The following ATXN10 variants were observed in gnomAD, a reference collection of about 807,000 sequenced individuals.
ATXN10 encodes the protein ataxin 10, also known as ataxin-10.
In ATXN10, 28 loss-of-function variants were observed where a neutral mutation model predicts 52.9. The observed-to-expected ratio is 0.53, with a 90% CI of 0.39 to 0.73. The LOEUF (loss-of-function observed/expected upper bound fraction) is 0.73. Ranked by LOEUF, ATXN10 falls within the 30% of genes least tolerant of loss-of-function variation. ATXN10 has a pLI of 0.00. For synonymous variants in ATXN10, 226 were observed against 221.5 expected, an observed-to-expected ratio of 1.02 and a Z score of -0.18; for missense variants, 565 against 577.0, an observed-to-expected ratio of 0.98 and a Z score of 0.21.
rs892457713 is a variant in ATXN10, at chr22:45,811,204, G to A, written c.1237+4182G>A. 1.2e-4 allele frequency among the ~76,000 whole-genome samples: 19 copies of A among 152,246 alleles called. 1 individual carries two copies. The highest frequency in any genetic ancestry group is 1.2e-3 in the South Asian group (6 of 4,816). The stretch of plus-strand genomic sequence containing the variant: ...TGAGGTAAGGTTTTTAAGTAAAGGT[G>A]TATGATAGGTCCTGAGAAATAGTCC... On this transcript the variant is annotated intron_variant, in intron 10 of 11. Coordinates refer to ENST00000252934, the MANE Select transcript of ATXN10 (RefSeq NM_013236.4).
rs1928888592 is a variant in ATXN10 at position 45,828,467 on chromosome 22, C to A, written c.1238-14524C>A. Among the ~76,000 whole-genome samples the A allele has an allele frequency of 6.6e-6, 1 of 151,912 alleles. No individual in the cohort carries two copies. Among genetic ancestry groups the A allele is most frequent in the Non-Finnish European group, 1.5e-5 (1 of 67,960 alleles). On this transcript the variant is annotated intron_variant, in intron 10 of 11. Transcript: ENST00000252934. The surrounding 1 kb of genome is among the most constrained non-coding windows in gnomAD (Gnocchi z 4.5). ...AAAATAATAGAGAAAATTATGAAAA[C>A]AGAAGTTGCTTTTTTAAAGATCAAC... is the stretch of plus-strand genomic sequence containing the variant.
Position 45,744,724 on chromosome 22 carries a change from A to G in ATXN10, c.1173+4186A>G, listed in dbSNP as rs1925663470. ...GTGCCAGGAGCATTTCTCTCTAAGG[A>G]CAGGCACTGGACTGCCAGGAGCATG... On this transcript the variant is annotated intron_variant, in intron 9 of 11. Coordinates refer to ENST00000252934, the MANE Select transcript of ATXN10 (RefSeq NM_013236.4). This position sits in a 1 kb window ranked among gnomAD's most constrained non-coding sequence, Gnocchi z 4.9. The G allele has an allele frequency of 6.6e-6, 1 of 152,236 alleles. No homozygotes were observed. Among genetic ancestry groups the G allele is most frequent in the African/African-American group, 2.4e-5 (1 of 41,450 alleles). The allele number at this position is 152,236 out of a possible 1,614,324, so 9.4% of individuals were successfully genotyped here.
chr22:45,689,817 G>T lies in ATXN10; in HGVS notation c.222G>T (p.Leu74=). The T allele has an allele frequency of 6.2e-7, 1 of 1,614,190 alleles. No homozygotes were observed. Among genetic ancestry groups the T allele is most frequent in the Non-Finnish European group, 8.5e-7 (1 of 1,180,036 alleles). Residue 74 remains leucine (L), a synonymous_variant, in exon 2 of 12, where the codon CTG becomes CTT. Coordinates refer to ENST00000252934, the MANE Select transcript of ATXN10 (RefSeq NM_013236.4). The stretch of plus-strand genomic sequence containing the variant: ...GAGATCCATCCCAAGTGGAAAACCT[G>T]GCTTCCAGTCTGCAGTTAATAACAG... The part of the protein sequence containing the change: ...ACRDPSQVEN[L]ASSLQLITEC...
chr22:45,829,631 G>A (rs1296125600), intron 10 of ATXN10, among the ~76,000 whole-genome samples: 1 of 152,118 alleles, frequency 6.6e-6, no homozygotes, highest in African/African-American at 2.4e-5. Flanking sequence ...TTTTATAATA[G>A]CATCAAAAAT....
chr22:45,742,986 T>C (rs961058732), intron 9 of ATXN10, among the ~76,000 whole-genome samples: 1 of 152,274 alleles, frequency 6.6e-6, no homozygotes, highest in Non-Finnish European at 1.5e-5. Context: ...TAATTTGGAC[T>C]GGCCTCTTAT....
chr22:45,680,798 ACT>A (rs1922890729), intron 1 of ATXN10, among the ~76,000 whole-genome samples: 1 of 151,284 alleles, frequency 6.6e-6, no homozygotes, highest in Non-Finnish European at 1.5e-5. Flanking sequence ...TCCTCTTCTG[ACT>A]CCCCAGTTCT....
intron 7 of ATXN10, among the ~76,000 whole-genome samples, chr22:45,730,496 C>G (rs1925048220): frequency 6.6e-6 from 1 of 152,160 alleles, no homozygotes; most frequent in Non-Finnish European, 1.5e-5. Context: ...CACAGTGGCA[C>G]AATCTTGACT....
rs938128832 is a variant in ATXN10, at chr22:45,690,505, T to C, written c.308+602T>C. 1.3e-5 allele frequency among the ~76,000 whole-genome samples: 2 copies of C among 152,212 alleles called. No individual in the cohort carries two copies. Among genetic ancestry groups the C allele is most frequent in the Non-Finnish European group, 2.9e-5 (2 of 68,034 alleles). ...GTTCTTCATAGTGTTTTGAAGCTGATTTTGAGTCTTTGTTCCTAGATTTTA... is the reference window on the plus strand; with the variant it reads ...GTTCTTCATAGTGTTTTGAAGCTGACTTTGAGTCTTTGTTCCTAGATTTTA... On this transcript the variant is annotated intron_variant, in intron 2 of 11. Transcript: ENST00000252934. This position sits in a 1 kb window ranked among gnomAD's most constrained non-coding sequence, Gnocchi z 4.5.
At chr22:45,839,263 A>G (rs1161600831) in intron 10 of ATXN10, among the ~76,000 whole-genome samples, 1 of 152,192 alleles carries the variant, frequency 6.6e-6, no homozygotes, top group Non-Finnish European at 1.5e-5. Flanking sequence ...CACTTTGGAT[A>G]CTAATTTTGG....
rs1367331863 is a variant in ATXN10 at position 45,833,809 on chromosome 22, C to G, written c.1238-9182C>G. On this transcript the variant is annotated intron_variant, in intron 10 of 11. Coordinates refer to ENST00000252934, the MANE Select transcript of ATXN10 (RefSeq NM_013236.4). This position sits in a 1 kb window ranked among gnomAD's most constrained non-coding sequence, Gnocchi z 4.3. ...AACCCGGAAGAAGAACTGCTCTGCCCTCCAGAGGTCTCTCTGGATGGACTG... is the reference window on the plus strand; with the variant it reads ...AACCCGGAAGAAGAACTGCTCTGCCGTCCAGAGGTCTCTCTGGATGGACTG... Among the ~76,000 whole-genome samples the G allele has an allele frequency of 4.6e-5, 7 of 152,176 alleles. No individual in the cohort carries two copies. Among genetic ancestry groups the G allele is most frequent in the Admixed American group, 4.6e-4 (7 of 15,278 alleles).
chr22:45,797,663 G>GT (rs1294169516), intron 9 of ATXN10, among the ~76,000 whole-genome samples: 4 of 152,154 alleles, frequency 2.6e-5, no homozygotes, highest in Non-Finnish European at 5.9e-5. Context: ...TTAAACCAAT[G>GT]TAAGTAGAAG....
intron 9 of ATXN10, among the ~76,000 whole-genome samples, chr22:45,743,865 A>G (rs1925629817): frequency 6.6e-6 from 1 of 152,118 alleles, no homozygotes; most frequent in Non-Finnish European, 1.5e-5. Context: ...TAGAATTTGG[A>G]TTTGTTTGCC....
In ATXN10 at chr22:45,842,962, G is replaced by A. The variant is rs753046257; in HGVS notation, c.1238-29G>A. 1.0e-5 allele frequency: 16 copies of A among 1,604,686 alleles called. No individual in the cohort carries two copies. Among genetic ancestry groups the A allele is most frequent in the East Asian group, 4.5e-5 (2 of 44,840 alleles). Reference sequence around the variant, plus strand: ...GTGAAGTTATCAAACAGGAAAGTACGTTGTCACATTCCTTCACTCTGGCTC... The same window carrying A: ...GTGAAGTTATCAAACAGGAAAGTACATTGTCACATTCCTTCACTCTGGCTC... On this transcript the variant is annotated intron_variant, in intron 10 of 11. Coordinates refer to ENST00000252934, the MANE Select transcript of ATXN10 (RefSeq NM_013236.4). This position sits in a 1 kb window ranked among gnomAD's most constrained non-coding sequence, Gnocchi z 4.8.
chr22:45,803,144 C>T (rs1338951463), intron 9 of ATXN10, among the ~76,000 whole-genome samples: 1 of 152,170 alleles, frequency 6.6e-6, no homozygotes, highest in East Asian at 1.9e-4. Flanking sequence ...TTGAAGAAGG[C>T]ACTATCATCC....
At position 45,816,110 on chromosome 22, in the gene ATXN10, A is replaced by T. The variant is rs774372266; in HGVS notation, c.1237+9088A>T. On this transcript the variant is annotated intron_variant, in intron 10 of 11. Coordinates refer to ENST00000252934, the MANE Select transcript of ATXN10 (RefSeq NM_013236.4). This position sits in a 1 kb window ranked among gnomAD's most constrained non-coding sequence, Gnocchi z 5.8. ...TAAAAATACAAAAAAAAAATTCGCT[A>T]GGCGTGGTGGCACGCACCCTTAGTC... is the stretch of plus-strand genomic sequence containing the variant. Among the ~76,000 whole-genome samples the T allele has an allele frequency of 2.6e-5, 4 of 152,056 alleles. No homozygotes were observed. Among genetic ancestry groups the T allele is most frequent in the Non-Finnish European group, 5.9e-5 (4 of 68,026 alleles).
At position 45,820,572 on chromosome 22, in the gene ATXN10, G is replaced by A. The variant is rs1044422509; in HGVS notation, c.1237+13550G>A. Among the ~76,000 whole-genome samples the A allele has an allele frequency of 6.6e-6, 1 of 152,202 alleles. No individual in the cohort carries two copies. The highest frequency in any genetic ancestry group is 2.4e-5 in the African/African-American group (1 of 41,452). On this transcript the variant is annotated intron_variant, in intron 10 of 11. Coordinates refer to ENST00000252934, the MANE Select transcript of ATXN10 (RefSeq NM_013236.4). This position sits in a 1 kb window ranked among gnomAD's most constrained non-coding sequence, Gnocchi z 4.9. The stretch of plus-strand genomic sequence containing the variant: ...GGCTGCTTTGGGCTTTCTGATCCTT[G>A]TGGTTTTGTAGATCCACATTATCCC...
chr22:45,836,095 TG>T (rs772721198), intron 10 of ATXN10, among the ~76,000 whole-genome samples: 6 of 152,076 alleles, frequency 3.9e-5, no homozygotes, highest in Admixed American at 2.0e-4. Flanking sequence ...GGAGCCAAAA[TG>T]GGTGGTTTGT....
chr22:45,689,539 T>C (rs1047592923), intron 1 of ATXN10, 173 bp from the exon 2 acceptor site: 47 of 634,254 alleles, frequency 7.4e-5, no homozygotes, highest in Non-Finnish European at 1.2e-4. Flanking sequence ...GTCTGGTGCA[T>C]AGTAAGTGCT....
chr22:45,704,905 G>A (rs1923980781), intron 5 of ATXN10, among the ~76,000 whole-genome samples: 1 of 152,182 alleles, frequency 6.6e-6, no homozygotes. Context: ...GGTTTTCTAA[G>A]AAGCCCTTGC....
Sources: gnomAD v4.1 joint callset for allele counts (sites outside exome capture counted in the v4.1 genomes callset) on GRCh38, gnomAD v4.1.1 for gene constraint, Gnocchi (gnomAD v3.1) non-coding constraint, MANE v1.5 for transcripts, NCBI Gene and HGNC (gene_info 2026-07-23, HGNC 2026-07-21) for gene names.